EPB41L1: variants seen among roughly 807,000 people sequenced by gnomAD.
EPB41L1 encodes the protein band 4.1-like protein 1.
In EPB41L1, 29 loss-of-function variants were observed where a neutral mutation model predicts 97.8. That is an observed-to-expected ratio of 0.30 (90% CI 0.22 to 0.40). The LOEUF (loss-of-function observed/expected upper bound fraction) is 0.40. Among genes scored for constraint, EPB41L1 ranks in the 10% least tolerant of loss-of-function variants. The probability of loss-of-function intolerance (pLI) is 1.00; values close to 1 mark genes in which losing one functional copy is unlikely to be tolerated. For synonymous variants in EPB41L1, 383 were observed against 459.2 expected, an observed-to-expected ratio of 0.83 and a Z score of 2.12; for missense variants, 812 against 1,162.3, an observed-to-expected ratio of 0.70 and a Z score of 4.38.
chr20:36,135,075 A>G (rs1329794766), intron 2 of EPB41L1, among the ~76,000 whole-genome samples: 1 of 151,740 alleles, frequency 6.6e-6, no homozygotes, highest in African/African-American at 2.4e-5. Context: ...GTTGGTCAGG[A>G]TGGTCTCAAA....
intron 3 of EPB41L1, among the ~76,000 whole-genome samples, chr20:36,176,780 C>T (rs919423097): frequency 6.6e-6 from 1 of 151,558 alleles, no homozygotes; most frequent in African/African-American, 2.4e-5. Context: ...TACAGGTGCC[C>T]GCCACCACAC....
At chr20:36,118,642 G>A (rs920691319) in intron 2 of EPB41L1, among the ~76,000 whole-genome samples, 3 of 152,106 alleles carry the variant, frequency 2.0e-5, no homozygotes, top group African/African-American at 7.2e-5. Context: ...ATTTTATGGC[G>A]TATGAATTAT....
intron 6 of EPB41L1, among the ~76,000 whole-genome samples, chr20:36,183,416 C>G (rs1415431330): frequency 6.6e-6 from 1 of 152,212 alleles, no homozygotes; most frequent in African/African-American, 2.4e-5. Flanking sequence ...GTCATTAGTC[C>G]TAGTTCTGAG....
intron 17 of EPB41L1, among the ~76,000 whole-genome samples, chr20:36,216,403 A>G (rs928021908): frequency 2.0e-5 from 3 of 152,110 alleles, no homozygotes; most frequent in African/African-American, 7.2e-5. Context: ...GTCGGGGGGG[A>G]AGAGCTGGAA....
At chr20:36,155,793 C>T in intron 1 of EPB41L1, 1 of 381,784 alleles carries the variant, frequency 2.6e-6, no homozygotes, top group Non-Finnish European at 5.3e-6. Context: ...CCCACATTCA[C>T]TTCTGGATCC....
intron 14 of EPB41L1, chr20:36,205,999 G>A: frequency 7.8e-7 from 1 of 1,289,926 alleles, no homozygotes; most frequent in Non-Finnish European, 1.0e-6. Flanking sequence ...AGACGTTCTG[G>A]TGGACAAGTT....
intron 1 of EPB41L1, among the ~76,000 whole-genome samples, chr20:36,167,662 C>T: frequency 6.6e-6 from 1 of 151,786 alleles, no homozygotes; most frequent in East Asian, 1.9e-4. Context: ...GAGCCGAAAT[C>T]ATGCCACTGC....
In EPB41L1 at chr20:36,190,482, C is replaced by T. The variant is rs566396055; in HGVS notation, c.1124+108C>T. ...ACTCTAGGAAAGTCCTCCACCCTTT[C>T]CCCAAGTCCCTCCCTTCCTGGACCA... On this transcript the variant is annotated intron_variant, in intron 10 of 21. Coordinates refer to ENST00000338074, the MANE Select transcript of EPB41L1 (RefSeq NM_012156.2). This position sits in a 1 kb window ranked among gnomAD's most constrained non-coding sequence, Gnocchi z 5.8. The T allele has an allele frequency of 3.3e-5, 50 of 1,522,592 alleles. 1 individual carries two copies. In the East Asian group the frequency reaches 8.1e-4, roughly 25 times the overall value. The allele number at this position is 1,522,592 out of a possible 1,614,324, so 94.3% of individuals were successfully genotyped here.
chr20:36,202,837 C>T (rs980468836), intron 14 of EPB41L1, among the ~76,000 whole-genome samples: 1 of 149,980 alleles, frequency 6.7e-6, no homozygotes, highest in South Asian at 2.1e-4. Context: ...AAAAGGCAGG[C>T]CCCAAAATGT....
chr20:36,161,378 A>G (rs948559574), intron 1 of EPB41L1, among the ~76,000 whole-genome samples: 1 of 152,064 alleles, frequency 6.6e-6, no homozygotes, highest in Non-Finnish European at 1.5e-5. Flanking sequence ...TCTATATGTC[A>G]AATACTGTGC....
chr20:36,127,318 G>A (rs1701356548), intron 2 of EPB41L1, among the ~76,000 whole-genome samples: 1 of 152,152 alleles, frequency 6.6e-6, no homozygotes, highest in Non-Finnish European at 1.5e-5. Context: ...GAGTTGCCAG[G>A]GGAACCAAAG....
In EPB41L1 at chr20:36,231,721, G is replaced by A. The variant is rs537206798; in HGVS notation, c.*2381G>A. On this transcript the variant is annotated 3_prime_UTR_variant, in exon 22 of 22. Coordinates refer to ENST00000338074, the MANE Select transcript of EPB41L1 (RefSeq NM_012156.2). ...AGCAGAATCAGTGGCATTCCCCCTGGTGCAGGCCGGTGGGTCCACTCCAAC... is the reference window on the plus strand; with the variant it reads ...AGCAGAATCAGTGGCATTCCCCCTGATGCAGGCCGGTGGGTCCACTCCAAC... The A allele has an allele frequency of 2.6e-5, 4 of 152,640 alleles. No homozygotes were observed. Among genetic ancestry groups the A allele is most frequent in the African/African-American group, 9.6e-5 (4 of 41,564 alleles). 9.5% of individuals were successfully genotyped at this position (152,640 alleles called of 1,614,324 possible). A position where few individuals can be genotyped will look rare whatever the true frequency, so the allele number is the denominator to read the frequency against.
rs371978327 is a variant in EPB41L1, at chr20:36,222,344, G to A, written c.2587G>A (p.Val863Ile). ...TGATATGCTGGTAACCAAAGCTGTC[G>A]TATACAGAGAAACAGACCCATCCCC... Reference protein sequence around the residue: ...HPDMLVTKAVVYRETDPSPEE... With the variant: ...HPDMLVTKAVIYRETDPSPEE... Residue 863 changes from valine (V) to isoleucine (I), a missense_variant, in exon 21 of 22, where the codon GTA becomes ATA. By Grantham distance (29) the Val-to-Ile change is conservative. This residue lies in a region of EPB41L1 where 498 missense variants were observed against 622.7 expected (regional missense o/e 0.80). Coordinates refer to ENST00000338074, the MANE Select transcript of EPB41L1 (RefSeq NM_012156.2). 12 of 1,614,112 alleles carry A rather than the reference G, an allele frequency of 7.4e-6. No individual in the cohort carries two copies. Among genetic ancestry groups the A allele is most frequent in the East Asian group, 6.7e-5 (3 of 44,874 alleles).
At chr20:36,205,045 T>G (rs140724341) in intron 14 of EPB41L1, among the ~76,000 whole-genome samples, 30 of 152,338 alleles carry the variant, frequency 2.0e-4, no homozygotes, top group African/African-American at 5.5e-4. Context: ...TTTGTTAGAA[T>G]TAGAATGGGC....
At chr20:36,127,671 G>A (rs1286926415) in intron 2 of EPB41L1, among the ~76,000 whole-genome samples, 1 of 152,088 alleles carries the variant, frequency 6.6e-6, no homozygotes, top group African/African-American at 2.4e-5. Flanking sequence ...CTGGGCCTCG[G>A]TTTCCCTACC....
chr20:36,187,895 A>G, intron 8 of EPB41L1, 132 bp downstream of exon 8: 1 of 774,876 alleles, frequency 1.3e-6, no homozygotes, highest in Non-Finnish European at 2.2e-6. Context: ...TCTCATTCTC[A>G]TTTCTCGAAG....
intron 2 of EPB41L1, among the ~76,000 whole-genome samples, chr20:36,131,101 G>A (rs1473838987): frequency 2.6e-5 from 4 of 151,754 alleles, no homozygotes; most frequent in South Asian, 2.1e-4. Context: ...TCAGCCTCCC[G>A]AGTAGCTGGG....
Position 36,206,220 on chromosome 20 carries a change from A to G in EPB41L1, c.1669-3268A>G, listed in dbSNP as rs1242237202. The G allele has an allele frequency of 7.8e-7, 1 of 1,289,922 alleles. No homozygotes were observed. Among genetic ancestry groups the G allele is most frequent in the South Asian group, 1.2e-5 (1 of 81,032 alleles). The allele number at this position is 1,289,922 out of a possible 1,614,324, so 79.9% of individuals were successfully genotyped here. ...GCTCTGAGCTCAGGGCAGACACCAG[A>G]GAGGCAACCATCAGGAACCGCTGCA... is the stretch of plus-strand genomic sequence containing the variant. On this transcript the variant is annotated intron_variant, in intron 14 of 21. Coordinates refer to ENST00000338074, the MANE Select transcript of EPB41L1 (RefSeq NM_012156.2). The surrounding 1 kb of genome is among the most constrained non-coding windows in gnomAD (Gnocchi z 5.5).
intron 2 of EPB41L1, among the ~76,000 whole-genome samples, 153 bp from the exon 3 acceptor site, chr20:36,175,398 A>AT (rs1303606084): frequency 6.6e-5 from 10 of 152,158 alleles, no homozygotes; most frequent in Non-Finnish European, 1.3e-4. Flanking sequence ...CACACCAGCC[A>AT]TGGACCCTAG....
Sources: allele counts gnomAD v4.1 joint callset (sites outside exome capture counted in the v4.1 genomes callset), GRCh38; gene constraint gnomAD v4.1.1; regional missense constraint gnomAD v4.1.1; non-coding constraint Gnocchi (gnomAD v3.1); transcripts MANE v1.5; gene names NCBI Gene and HGNC (gene_info 2026-07-23, HGNC 2026-07-21).